TM2D1: variants seen among roughly 807,000 people sequenced by gnomAD.
TM2D1 encodes TM2 domain containing 1, also known as TM2 domain-containing protein 1.
TM2D1 carries 15 observed loss-of-function variants against 28.4 expected under a neutral mutation model. The ratio of observed to expected loss-of-function variants is 0.53; its 90% CI spans 0.35 to 0.81. The LOEUF (loss-of-function observed/expected upper bound fraction) is 0.81, where lower values mean the gene tolerates loss of function less well. Among genes scored for constraint, TM2D1 ranks in the 40% least tolerant of loss-of-function variants. TM2D1 has a pLI of 0.01. For synonymous variants in TM2D1, 93 were observed against 96.2 expected (o/e 0.97, Z 0.20); for missense variants, 236 against 254.9 (o/e 0.93, Z 0.50).
chr1:61,710,449 TATATATATATATAC>T lies in TM2D1; in HGVS notation c.239-1026_239-1013del, dbSNP rs1362892995. Reference sequence around the variant, plus strand: ...CCAAAAAAAAAAAAAAAAAAAAATGTATATATATATATACATATATATATATACACACACACACA... The same window carrying T: ...CCAAAAAAAAAAAAAAAAAAAAATGTATATATATATATACACACACACACA... On this transcript the variant is annotated intron_variant, in intron 2 of 6. Coordinates refer to ENST00000606498, the MANE Select transcript of TM2D1 (RefSeq NM_032027.3). 4.5e-5 allele frequency among the ~76,000 whole-genome samples: 4 copies of T among 88,866 alleles called. 1 individual carries two copies. The highest frequency in any genetic ancestry group is 0.012 in the Middle Eastern group (2 of 170). The allele number at this position is 88,866 out of a possible 152,430, so 58.3% of individuals were successfully genotyped here.
chr1:61,719,576 T>C (rs954202879), intron 2 of TM2D1, among the ~76,000 whole-genome samples: 3 of 152,018 alleles, frequency 2.0e-5, no homozygotes, highest in Non-Finnish European at 4.4e-5. Context: ...CACTGCAACC[T>C]CCACCTCCCG....
intron 6 of TM2D1, 22 bp from the exon 7 acceptor site, chr1:61,681,372 C>T (rs1043548934): frequency 6.6e-6 from 1 of 152,168 alleles, no homozygotes; most frequent in Non-Finnish European, 1.5e-5. Context: ...AGAAGAAATA[C>T]GTTAAAACAC....
Position 61,703,255 on chromosome 1 carries a change from A to G in TM2D1, c.348-2230T>C, listed in dbSNP as rs149712655. 8.1e-3 allele frequency among the ~76,000 whole-genome samples: 1,202 copies of G among 147,684 alleles called. 7 individuals carry two copies. The highest frequency in any genetic ancestry group is 0.013 in the Non-Finnish European group (893 of 67,228). ...TTATATATATTATATATGATCTAAA[A>G]TATATAATTATATTTTATATATTAT... On this transcript the variant is annotated intron_variant, in intron 3 of 6. Transcript: ENST00000606498.
chr1:61,694,586 C>G (rs1644350974), intron 5 of TM2D1, 111 bp downstream of exon 5: 2 of 646,828 alleles, frequency 3.1e-6, no homozygotes, highest in Non-Finnish European at 2.5e-6. Flanking sequence ...AAAATGGAAA[C>G]AACCATTCTT....
chr1:61,681,859 TA>T (rs1321796436), intron 6 of TM2D1, among the ~76,000 whole-genome samples: 2 of 152,230 alleles, frequency 1.3e-5, no homozygotes, highest in African/African-American at 2.4e-5. Flanking sequence ...ACCTAGATTC[TA>T]GTTTCAGTTT....
intron 3 of TM2D1, among the ~76,000 whole-genome samples, chr1:61,706,246 A>G (rs998909474): frequency 6.6e-6 from 1 of 152,118 alleles, no homozygotes; most frequent in African/African-American, 2.4e-5. Flanking sequence ...TCTGTCACCA[A>G]TGCTGTAGTG....
Position 61,709,368 on chromosome 1 carries a change from T to G in TM2D1, c.308A>C (p.Asn103Thr). ...SSGNETHFTG[N>T]EVGFFKPISC... The stretch of plus-strand genomic sequence containing the variant: ...TATGGGCTTGAAAAAACCAACTTCG[T>G]TCCCAGTAAAATGTGTTTCATTGCC... The change falls in exon 3 of 7, where the codon AAC becomes ACC. Residue 103 changes from asparagine (N) to threonine (T), a missense_variant. By Grantham distance (65) the Asn-to-Thr change is moderately conservative. This residue lies in a region of TM2D1 where 167 missense variants were observed against 162.7 expected (regional missense o/e 1.03). Transcript: ENST00000606498. 2 of 1,613,120 alleles carry G rather than the reference T, an allele frequency of 1.2e-6. No individual in the cohort carries two copies. Among genetic ancestry groups the G allele is most frequent in the Non-Finnish European group, 8.5e-7 (1 of 1,179,334 alleles).
chr1:61,694,790 C>T lies in TM2D1; in HGVS notation c.440-20G>A, dbSNP rs1644352326. 1.3e-6 allele frequency: 2 copies of T among 1,542,716 alleles called. No individual in the cohort carries two copies. Among genetic ancestry groups the T allele is most frequent in the South Asian group, 1.3e-5 (1 of 79,518 alleles). On this transcript the variant is annotated intron_variant, in intron 4 of 6. Coordinates refer to ENST00000606498, the MANE Select transcript of TM2D1 (RefSeq NM_032027.3). ...ACAAACCTAGAAAAGAAGGTAAAGT[C>T]ATTTATAATCTGGAAGGTCTTCTAA...
intron 2 of TM2D1, among the ~76,000 whole-genome samples, chr1:61,714,527 C>A (rs927717960): frequency 6.6e-6 from 1 of 152,058 alleles, no homozygotes; most frequent in African/African-American, 2.4e-5. Context: ...GGTGACACAG[C>A]AAGACTCTGT....
intron 1 of TM2D1, 113 bp from the exon 2 acceptor site, chr1:61,723,899 T>C (rs1177370644): frequency 2.0e-6 from 1 of 497,290 alleles, no homozygotes; most frequent in Non-Finnish European, 3.6e-6. Context: ...TAGAGGCTGC[T>C]AGTTTGTCCA....
intron 2 of TM2D1, 65 bp downstream of exon 2, chr1:61,723,648 A>G (rs1328084859): frequency 1.2e-6 from 1 of 818,418 alleles, no homozygotes; most frequent in African/African-American, 1.7e-5. Flanking sequence ...TTTAGTGATC[A>G]TACATTGACC....
At chr1:61,708,888 G>A (rs916063127) in intron 3 of TM2D1, among the ~76,000 whole-genome samples, 13 of 152,218 alleles carry the variant, frequency 8.5e-5, no homozygotes, top group East Asian at 1.9e-4. Context: ...ACTTGGCTGG[G>A]TGTGGTGGCT....
intron 2 of TM2D1, among the ~76,000 whole-genome samples, chr1:61,710,638 G>A (rs979979761): frequency 2.6e-5 from 4 of 151,398 alleles, no homozygotes; most frequent in African/African-American, 9.7e-5. Flanking sequence ...AGACTGAAAA[G>A]TACTAATACT....
At chr1:61,692,181 C>A (rs1295840906) in intron 5 of TM2D1, among the ~76,000 whole-genome samples, 1 of 151,066 alleles carries the variant, frequency 6.6e-6, no homozygotes, top group Non-Finnish European at 1.5e-5. Flanking sequence ...TTTTTAGGAA[C>A]AAAAGATAGA....
chr1:61,720,210 T>C (rs1644552333), intron 2 of TM2D1, among the ~76,000 whole-genome samples: 1 of 152,188 alleles, frequency 6.6e-6, no homozygotes, highest in East Asian at 1.9e-4. Context: ...TACTTGCTGA[T>C]ATATGTGTAT....
At chr1:61,683,302 G>GCT in intron 6 of TM2D1, 115 bp downstream of exon 6, 1 of 372,482 alleles carries the variant, frequency 2.7e-6, no homozygotes. Flanking sequence ...CAGGCATAGG[G>GCT]GTACCTGAGA....
At chr1:61,714,281 A>G (rs1204199781) in intron 2 of TM2D1, among the ~76,000 whole-genome samples, 3 of 147,868 alleles carry the variant, frequency 2.0e-5, no homozygotes, top group Non-Finnish European at 4.5e-5. Flanking sequence ...AGTGGCTCAC[A>G]CCTGTAATCC....
intron 5 of TM2D1, chr1:61,686,930 A>G: frequency 1.0e-6 from 1 of 982,696 alleles, no homozygotes; most frequent in Non-Finnish European, 1.2e-6. Flanking sequence ...CTCTAAAAAA[A>G]GAAAGTAAAT....
chr1:61,682,905 AAAAAAG>A (rs1380604253), intron 6 of TM2D1, among the ~76,000 whole-genome samples: 3 of 151,738 alleles, frequency 2.0e-5, no homozygotes, highest in African/African-American at 7.3e-5. Context: ...AAAAAAAAAA[AAAAAAG>A]AAAAAGAAAA....
Sources: gnomAD v4.1 joint callset for allele counts (sites outside exome capture counted in the v4.1 genomes callset) on GRCh38, gnomAD v4.1.1 for gene constraint, gnomAD v4.1.1 regional missense constraint, MANE v1.5 for transcripts, NCBI Gene and HGNC (gene_info 2026-07-23, HGNC 2026-07-21) for gene names.